Variants in LY75 observed in about 807,000 individuals in gnomAD.
LY75 encodes the protein C-type lectin domain family 13 member B.
Under a neutral mutation model 231.7 loss-of-function variants are expected in LY75, and 185 were observed. The ratio of observed to expected loss-of-function variants is 0.80; its 90% CI spans 0.71 to 0.90. The LOEUF is 0.90. Ranked by LOEUF, LY75 falls within the 40% of genes least tolerant of loss-of-function variation. The probability of loss-of-function intolerance (pLI) is 0.00; values close to 1 mark genes in which losing one functional copy is unlikely to be tolerated. For missense variants in LY75, 1,947 were observed against 2,050.2 expected (o/e 0.95, Z 0.97); for synonymous variants, 668 against 689.0 (o/e 0.97, Z 0.48).
In LY75 at chr2:159,874,912, T is replaced by TTG. The variant is rs1278485480; in HGVS notation, c.1974+531_1974+532insCA. 2.1e-4 allele frequency among the ~76,000 whole-genome samples: 29 copies of TTG among 136,378 alleles called. 1 individual carries two copies. The highest frequency in any genetic ancestry group is 1.7e-3 in the East Asian group (8 of 4,758). The allele number at this position is 136,378 out of a possible 152,430, so 89.5% of individuals were successfully genotyped here. A position where few individuals can be genotyped will look rare whatever the true frequency, so the allele number is the denominator to read the frequency against. On this transcript the variant is annotated intron_variant, in intron 12 of 34. Transcript: ENST00000263636. ...TTGTAAATATATAAACATATATATT[T>TTG]TATAAATATATTTATAAATATATAT...
chr2:159,821,413 C>T (rs1423049220), intron 28 of LY75, among the ~76,000 whole-genome samples: 2 of 151,748 alleles, frequency 1.3e-5, no homozygotes, highest in Non-Finnish European at 1.5e-5. Context: ...GTCAGGAGTT[C>T]GAGACCAGCC....
At chr2:159,836,438 G>T (rs1009720778) in intron 25 of LY75, among the ~76,000 whole-genome samples, 3 of 152,090 alleles carry the variant, frequency 2.0e-5, no homozygotes, top group African/African-American at 7.2e-5. Flanking sequence ...ACCCTGCCAA[G>T]GTCCTGACCA....
At chr2:159,818,648 T>C (rs1683194130) in intron 29 of LY75, among the ~76,000 whole-genome samples, 1 of 152,180 alleles carries the variant, frequency 6.6e-6, no homozygotes, top group African/African-American at 2.4e-5. Context: ...TGGATAAATA[T>C]TGGTTTATTA....
Position 159,804,936 on chromosome 2 carries a change from G to T in LY75, c.*108C>A. On this transcript the variant is annotated 3_prime_UTR_variant, in exon 35 of 35. Coordinates refer to ENST00000263636, the MANE Select transcript of LY75 (RefSeq NM_002349.4). Reference sequence around the variant, plus strand: ...GCCTAAGATCTAAACAACTGAAAAAGTATTTAAGAGTTCTACTTTGGAGCA... The same window carrying T: ...GCCTAAGATCTAAACAACTGAAAAATTATTTAAGAGTTCTACTTTGGAGCA... 1 of 809,384 alleles carries T rather than the reference G, an allele frequency of 1.2e-6. No homozygotes were observed. Among genetic ancestry groups the T allele is most frequent in the Non-Finnish European group, 1.9e-6 (1 of 519,538 alleles). The allele number at this position is 809,384 out of a possible 1,614,324, so 50.1% of individuals were successfully genotyped here. A position where few individuals can be genotyped will look rare whatever the true frequency, so the allele number is the denominator to read the frequency against.
intron 6 of LY75, among the ~76,000 whole-genome samples, chr2:159,884,043 A>T (rs111552738): frequency 0.07 from 10,626 of 152,182 alleles, 617 homozygotes; most frequent in African/African-American, 0.17. Context: ...TCATGGGGGC[A>T]GGTCTCTCCC....
chr2:159,872,987 T>C (rs992019218), intron 12 of LY75, among the ~76,000 whole-genome samples: 3 of 152,110 alleles, frequency 2.0e-5, no homozygotes, highest in African/African-American at 2.4e-5. Flanking sequence ...ATTTCGAATA[T>C]AAGACACAGT....
chr2:159,840,014 A>AAAAAAAAAAG (rs551332613), intron 25 of LY75, among the ~76,000 whole-genome samples: 11 of 149,540 alleles, frequency 7.4e-5, no homozygotes, highest in Admixed American at 5.4e-4. Flanking sequence ...TCAAAAAAAA[A>AAAAAAAAAAG]AAAAAGAAAA....
intron 23 of LY75, among the ~76,000 whole-genome samples, chr2:159,845,976 T>A (rs969877288): frequency 6.6e-6 from 1 of 151,820 alleles, no homozygotes; most frequent in Non-Finnish European, 1.5e-5. Flanking sequence ...CTTTTTTTTT[T>A]AAACATAGAC....
Position 159,899,006 on chromosome 2 carries a change from C to G in LY75, c.148G>C (p.Val50Leu). The G allele has an allele frequency of 1.2e-6, 2 of 1,614,216 alleles. No homozygotes were observed. The highest frequency in any genetic ancestry group is 1.7e-6 in the Non-Finnish European group (2 of 1,180,028). The stretch of plus-strand genomic sequence containing the variant: ...TCGTCTGCTACTATCCAGCCATACA[C>G]TGGCTTGATGCACTTGCCCGTATTT... The part of the protein sequence containing the change: ...HGNTGKCIKP[V>L]YGWIVADDCD... The change falls in exon 2 of 35, where the codon GTG becomes CTG. Residue 50 changes from valine to leucine, a missense_variant. Physicochemically the swap from Val to Leu is conservative, Grantham distance 32. Transcript: ENST00000263636.
chr2:159,868,628 C>T (rs2357691), intron 13 of LY75, among the ~76,000 whole-genome samples: 61,023 of 151,934 alleles, frequency 0.4, 12,981 homozygotes, highest in South Asian at 0.67. Flanking sequence ...TAGTGTAATT[C>T]GTTCTGTATA....
At chr2:159,863,590 T>C (rs1203080876) in intron 14 of LY75, among the ~76,000 whole-genome samples, 1 of 152,218 alleles carries the variant, frequency 6.6e-6, no homozygotes, top group Admixed American at 6.5e-5. Flanking sequence ...TGGCCATCTG[T>C]ATGTCTTCTT....
chr2:159,831,616 T>C (rs1276638029), intron 28 of LY75, 54 bp downstream of exon 28: 61 of 1,567,872 alleles, frequency 3.9e-5, no homozygotes, highest in Non-Finnish European at 5.1e-5. Context: ...TTGATAATTA[T>C]GTTATAATGA....
intron 1 of LY75, among the ~76,000 whole-genome samples, chr2:159,901,657 A>G (rs961896879): frequency 2.0e-5 from 3 of 152,344 alleles, no homozygotes; most frequent in Middle Eastern, 3.4e-3. Context: ...CTAAAACACT[A>G]CAGGAGAGGT....
At chr2:159,835,788 T>C (rs1340148576) in intron 25 of LY75, 143 bp from the exon 26 acceptor site, 1 of 1,085,056 alleles carries the variant, frequency 9.2e-7, no homozygotes, top group Non-Finnish European at 1.3e-6. Flanking sequence ...ATAACAAGCA[T>C]TGTTCTAAAT....
rs1441866489 is a variant in LY75, at chr2:159,872,528, G to A, written c.2040C>T (p.Ala680=). The change falls in exon 13 of 35, where the codon GCC becomes GCT. Residue 680 remains alanine, a synonymous_variant. Transcript: ENST00000263636. ...NWEEAERFCQ[A]LGAHLSSFSH... ...TGAAGCTAGAAAGGTGTGCTCCAAG[G>A]GCTTGGCAGAATCGTTCAGCTTCTT... 1 of 1,613,758 alleles carries A rather than the reference G, an allele frequency of 6.2e-7. No homozygotes were observed. The highest frequency in any genetic ancestry group is 8.5e-7 in the Non-Finnish European group (1 of 1,179,900).
intron 34 of LY75, among the ~76,000 whole-genome samples, chr2:159,805,756 G>T (rs1682773183): frequency 6.6e-6 from 1 of 152,110 alleles, no homozygotes; most frequent in South Asian, 2.1e-4. Context: ...CCATTGCTAT[G>T]CACACTACAC....
At position 159,831,571 on chromosome 2, in the gene LY75, C is replaced by T. The variant is rs372993384; in HGVS notation, c.3958+99G>A. The T allele has an allele frequency of 5.8e-5, 73 of 1,269,550 alleles. No homozygotes were observed. The East Asian group carries it at 1.3e-3, about 23-fold the overall frequency. The allele number at this position is 1,269,550 out of a possible 1,614,324, so 78.6% of individuals were successfully genotyped here. ...TGCTAAGTACATAATTATACTTTCA[C>T]GTATTGATAGACATGTACTTTGAAG... On this transcript the variant is annotated intron_variant, in intron 28 of 34. Coordinates refer to ENST00000263636, the MANE Select transcript of LY75 (RefSeq NM_002349.4).
rs532590570 is a variant in LY75 at position 159,875,627 on chromosome 2, G to A, written c.1791C>T (p.Cys597=). ...CAGACTTTCCAGTAGACATAGCCACGCAGCCGCCCGGGGAAGCTGGGATTG... is the reference window on the plus strand; with the variant it reads ...CAGACTTTCCAGTAGACATAGCCACACAGCCGCCCGGGGAAGCTGGGATTG... ...NFLEPASPGG[C]VAMSTGKSVG... Residue 597 remains cysteine (C), a synonymous_variant, in exon 12 of 35, where the codon TGC becomes TGT. Coordinates refer to ENST00000263636, the MANE Select transcript of LY75 (RefSeq NM_002349.4). The A allele has an allele frequency of 4.8e-5, 78 of 1,613,794 alleles. 1 individual carries two copies. The South Asian group carries it at 6.7e-4, about 14-fold the overall frequency.
At chr2:159,813,635 T>C (rs1683032847) in intron 31 of LY75, among the ~76,000 whole-genome samples, 1 of 152,174 alleles carries the variant, frequency 6.6e-6, no homozygotes, top group Non-Finnish European at 1.5e-5. Flanking sequence ...CCTCTGTGTG[T>C]CTGTATCTCC....
Sources: gnomAD v4.1 joint callset for allele counts (sites outside exome capture counted in the v4.1 genomes callset) on GRCh38, gnomAD v4.1.1 for gene constraint, MANE v1.5 for transcripts, NCBI Gene and HGNC (gene_info 2026-07-23, HGNC 2026-07-21) for gene names.